DYRK1A: variants seen among roughly 807,000 people sequenced by gnomAD.
DYRK1A encodes the protein dual specificity tyrosine phosphorylation regulated kinase 1A.
A neutral mutation model predicts 79.7 loss-of-function variants in DYRK1A; 9 were observed. The ratio of observed to expected loss-of-function variants is 0.11; its 90% CI spans 0.07 to 0.20. The LOEUF (loss-of-function observed/expected upper bound fraction) is 0.20. DYRK1A is among the 10% of genes least tolerant of loss of function. The pLI is 1.00. For missense variants in DYRK1A, 622 were observed against 956.0 expected, an observed-to-expected ratio of 0.65 and a Z score of 4.61; for synonymous variants, 349 against 329.7, an observed-to-expected ratio of 1.06 and a Z score of -0.63.
At chr21:37,377,884 C>A (rs933506652) in intron 1 of DYRK1A, among the ~76,000 whole-genome samples, 2 of 152,148 alleles carry the variant, frequency 1.3e-5, no homozygotes, top group African/African-American at 4.8e-5. Context: ...TACTTCCTTG[C>A]ATGTATAGTT....
rs1555951502 is a variant in DYRK1A, at chr21:37,388,122, T to TA, written c.-77+20495dup. ...TTGATTTTTTTTTTTTTTTTTTTTT[T>TA]ACTCTTGCCCAGGCTGGAGTGCAGT... On this transcript the variant is annotated intron_variant, in intron 1 of 11. Transcript: ENST00000647188. Among the ~76,000 whole-genome samples the TA allele has an allele frequency of 1.8e-4, 27 of 148,006 alleles. 1 individual carries two copies. Among genetic ancestry groups the TA allele is most frequent in the Admixed American group, 1.3e-3 (19 of 14,900 alleles).
In DYRK1A at chr21:37,512,331, A is replaced by G; in HGVS notation, c.2065A>G (p.Met689Val). The change falls in exon 12 of 12, where the codon ATG (methionine) becomes GTG (valine). Residue 689 changes from methionine (M) to valine (V), a missense_variant. Met to Val is a conservative substitution (Grantham distance 21, BLOSUM62 1). This residue lies in a region of DYRK1A where 292 missense variants were observed against 316.7 expected (regional missense o/e 0.92). Transcript: ENST00000647188. Reference protein sequence around the residue: ...NTLDFGQNGAMDVNLTVYSNP... With the variant: ...NTLDFGQNGAVDVNLTVYSNP... ...CTTGGACTTTGGACAGAATGGAGCT[A>G]TGGACGTTAATTTGACCGTCTACTC... The G allele has an allele frequency of 1.2e-6, 2 of 1,614,224 alleles. No homozygotes were observed. The highest frequency in any genetic ancestry group is 2.2e-5 in the East Asian group (1 of 44,886).
Position 37,446,819 on chromosome 21 carries a change from A to C in DYRK1A, c.11-25865A>C, listed in dbSNP as rs532192839. On this transcript the variant is annotated intron_variant, in intron 2 of 11. Transcript: ENST00000647188. ...TGCCTGTAATATGCCTTAGGTACGCAAGAGATCTTGTTCTGCGCCCCACCT... is the reference window on the plus strand; with the variant it reads ...TGCCTGTAATATGCCTTAGGTACGCCAGAGATCTTGTTCTGCGCCCCACCT... Among the ~76,000 whole-genome samples, 9 of 152,282 alleles carry C rather than the reference A, an allele frequency of 5.9e-5. No individual in the cohort carries two copies. In the East Asian group the frequency reaches 1.7e-3, roughly 29 times the overall value.
At chr21:37,478,132 G>A (rs944718013) in intron 3 of DYRK1A, 76 bp from the exon 4 acceptor site, 3 of 1,588,872 alleles carry the variant, frequency 1.9e-6, no homozygotes, top group African/African-American at 2.7e-5. Flanking sequence ...TACAGAAGAG[G>A]GAATTTATAT....
chr21:37,404,892 A>G (rs757249436), intron 1 of DYRK1A, among the ~76,000 whole-genome samples: 1 of 152,202 alleles, frequency 6.6e-6, no homozygotes, highest in Non-Finnish European at 1.5e-5. Flanking sequence ...TCAGTTTCCT[A>G]TTGAGCATGG....
At chr21:37,392,259 A>T (rs2049884513) in intron 1 of DYRK1A, among the ~76,000 whole-genome samples, 1 of 152,238 alleles carries the variant, frequency 6.6e-6, no homozygotes, top group South Asian at 2.1e-4. Flanking sequence ...TACTCATCTC[A>T]GATGTCATCT....
At chr21:37,415,107 C>T (rs984322365) in intron 1 of DYRK1A, among the ~76,000 whole-genome samples, 2 of 152,104 alleles carry the variant, frequency 1.3e-5, no homozygotes, top group Non-Finnish European at 2.9e-5. Flanking sequence ...TTTGTTGGTA[C>T]GTCCAAATAC....
intron 6 of DYRK1A, chr21:37,487,957 T>C (rs2052932575): frequency 6.6e-6 from 1 of 152,148 alleles, no homozygotes; most frequent in Non-Finnish European, 1.5e-5. Context: ...CTAAGGATGA[T>C]TGACTTACAC....
rs1357233762 is a variant in DYRK1A, at chr21:37,514,353, CTT to C, written c.*1825_*1826del. ...AATTGACCAATTTTGGGGTGTGACA[CTT>C]TTGAGCGGTTGAATTGGGAGAATGA... On this transcript the variant is annotated 3_prime_UTR_variant, in exon 12 of 12. Coordinates refer to ENST00000647188, the MANE Select transcript of DYRK1A (RefSeq NM_001347721.2). The C allele has an allele frequency of 6.6e-6, 1 of 152,618 alleles. No individual in the cohort carries two copies. The highest frequency in any genetic ancestry group is 1.5e-5 in the Non-Finnish European group (1 of 68,046). The allele number at this position is 152,618 out of a possible 1,614,324, so 9.5% of individuals were successfully genotyped here. A position where few individuals can be genotyped will look rare whatever the true frequency, so the allele number is the denominator to read the frequency against.
chr21:37,499,035 G>A (rs2148633984), intron 9 of DYRK1A, among the ~76,000 whole-genome samples: 1 of 152,148 alleles, frequency 6.6e-6, no homozygotes, highest in East Asian at 1.9e-4. Flanking sequence ...TCACATGTAT[G>A]TCAGTGTATT....
chr21:37,450,246 A>G (rs1416305509), intron 2 of DYRK1A, among the ~76,000 whole-genome samples: 8 of 152,146 alleles, frequency 5.3e-5, no homozygotes, highest in Non-Finnish European at 1.0e-4. Context: ...TGGTTTTTAT[A>G]CTTGGTGGCA....
intron 1 of DYRK1A, among the ~76,000 whole-genome samples, chr21:37,411,370 C>G (rs1043145624): frequency 2.2e-5 from 3 of 137,476 alleles, no homozygotes; most frequent in African/African-American, 5.4e-5. Flanking sequence ...CCAACCCCCT[C>G]CCCCCCAAAA....
At chr21:37,388,523 A>T (rs73216422) in intron 1 of DYRK1A, among the ~76,000 whole-genome samples, 11,832 of 152,262 alleles carry the variant, frequency 0.078, 693 homozygotes, top group Non-Finnish European at 0.12. Context: ...TGAGTCTTCC[A>T]GTATCCAGTA....
At chr21:37,499,038 A>C (rs1398050732) in intron 9 of DYRK1A, among the ~76,000 whole-genome samples, 1 of 152,110 alleles carries the variant, frequency 6.6e-6, no homozygotes, top group East Asian at 1.9e-4. Context: ...CATGTATGTC[A>C]GTGTATTTCC....
chr21:37,504,871 G>A (rs922706174), intron 9 of DYRK1A: 1 of 160,400 alleles, frequency 6.2e-6, no homozygotes, highest in Non-Finnish European at 1.4e-5. Flanking sequence ...CTCCCAGCCA[G>A]GGTGAGCAGG....
At chr21:37,458,595 G>A (rs147504983) in intron 2 of DYRK1A, among the ~76,000 whole-genome samples, 2 of 152,188 alleles carry the variant, frequency 1.3e-5, no homozygotes, top group Non-Finnish European at 2.9e-5. Flanking sequence ...TAAGAAGACC[G>A]GGTTATTTGT....
At chr21:37,398,079 AT>A (rs1353186550) in intron 1 of DYRK1A, among the ~76,000 whole-genome samples, 13 of 108,840 alleles carry the variant, frequency 1.2e-4, no homozygotes, top group Non-Finnish European at 2.8e-4. Context: ...AAAAAAAAAT[AT>A]ATATATATAT....
intron 3 of DYRK1A, 27 bp from the exon 4 acceptor site, chr21:37,478,181 G>T: frequency 1.2e-6 from 2 of 1,613,744 alleles, no homozygotes; most frequent in Non-Finnish European, 1.7e-6. Flanking sequence ...TCTATTTAAG[G>T]TGATGCCTGA....
At chr21:37,411,678 A>G (rs1051909523) in intron 1 of DYRK1A, among the ~76,000 whole-genome samples, 4 of 152,196 alleles carry the variant, frequency 2.6e-5, no homozygotes, top group African/African-American at 9.6e-5. Flanking sequence ...GGTTGAGAAA[A>G]TTCCAGGGTA....
Sources: allele counts gnomAD v4.1 joint callset (sites outside exome capture counted in the v4.1 genomes callset), GRCh38; gene constraint gnomAD v4.1.1; regional missense constraint gnomAD v4.1.1; transcripts MANE v1.5; gene names NCBI Gene and HGNC (gene_info 2026-07-23, HGNC 2026-07-21).